GATAD2B: variants seen among roughly 807,000 people sequenced by gnomAD.
GATAD2B encodes the protein transcriptional repressor p66-beta.
A neutral mutation model predicts 64.3 loss-of-function variants in GATAD2B; 8 were observed. The ratio of observed to expected loss-of-function variants is 0.12; its 90% CI spans 0.07 to 0.22. The LOEUF is 0.22. Ranked by LOEUF, GATAD2B falls within the 10% of genes least tolerant of loss-of-function variation. GATAD2B has a pLI of 1.00. For synonymous variants in GATAD2B, 281 were observed against 271.3 expected, an observed-to-expected ratio of 1.04 and a Z score of -0.35; for missense variants, 453 against 752.0, an observed-to-expected ratio of 0.60 and a Z score of 4.65.
At chr1:153,893,970 A>AC (rs1258367969) in intron 1 of GATAD2B, among the ~76,000 whole-genome samples, 2 of 150,970 alleles carry the variant, frequency 1.3e-5, no homozygotes, top group African/African-American at 4.9e-5. Flanking sequence ...AAAAAAAAAA[A>AC]AAAAAAAAAA....
intron 1 of GATAD2B, among the ~76,000 whole-genome samples, chr1:153,836,002 C>T (rs1390177083): frequency 3.9e-5 from 6 of 152,110 alleles, no homozygotes; most frequent in East Asian, 1.9e-4. Flanking sequence ...GGATTACAGG[C>T]GTGAGCCACT....
chr1:153,854,307 AGAG>A (rs1228060073), intron 1 of GATAD2B, among the ~76,000 whole-genome samples: 4 of 152,030 alleles, frequency 2.6e-5, no homozygotes, highest in African/African-American at 4.8e-5. Context: ...GGAGGCTGAG[AGAG>A]GAGAATGGTG....
chr1:153,896,438 T>TC (rs1220295982), intron 1 of GATAD2B, among the ~76,000 whole-genome samples: 1 of 150,030 alleles, frequency 6.7e-6, no homozygotes, highest in African/African-American at 2.4e-5. Context: ...ATTTTCTTTT[T>TC]TTTTTTTTTT....
chr1:153,913,248 T>C (rs1255584722), intron 1 of GATAD2B, among the ~76,000 whole-genome samples: 1 of 152,112 alleles, frequency 6.6e-6, no homozygotes, highest in Non-Finnish European at 1.5e-5. Context: ...TCTTAAAGTT[T>C]TGATTTAATT....
chr1:153,869,842 T>C (rs1038316349), intron 1 of GATAD2B, among the ~76,000 whole-genome samples: 3 of 152,156 alleles, frequency 2.0e-5, no homozygotes, highest in Non-Finnish European at 2.9e-5. Context: ...AAAATCCAAA[T>C]TGGGCCAGGT....
chr1:153,894,695 T>C (rs777584682), intron 1 of GATAD2B, among the ~76,000 whole-genome samples: 1 of 151,564 alleles, frequency 6.6e-6, no homozygotes, highest in Non-Finnish European at 1.5e-5. Context: ...ACCCCGTCTC[T>C]ACTAAAAATA....
At chr1:153,893,973 A>AT (rs1677501853) in intron 1 of GATAD2B, among the ~76,000 whole-genome samples, 1 of 151,114 alleles carries the variant, frequency 6.6e-6, no homozygotes, top group African/African-American at 2.4e-5. Context: ...AAAAAAAAAA[A>AT]AAAAAAAAAC....
At chr1:153,815,972 G>T (rs1382094386) in intron 7 of GATAD2B, among the ~76,000 whole-genome samples, 1 of 151,964 alleles carries the variant, frequency 6.6e-6, no homozygotes, top group Admixed American at 6.6e-5. Flanking sequence ...AGAATTGCTT[G>T]AACTCAGGAG....
At chr1:153,875,013 T>C (rs1676780913) in intron 1 of GATAD2B, among the ~76,000 whole-genome samples, 1 of 152,080 alleles carries the variant, frequency 6.6e-6, no homozygotes, top group Admixed American at 6.6e-5. Flanking sequence ...CCCAACTAAC[T>C]GGGACTACAG....
intron 1 of GATAD2B, among the ~76,000 whole-genome samples, chr1:153,910,932 A>G (rs1678093050): frequency 6.6e-6 from 1 of 152,208 alleles, no homozygotes; most frequent in African/African-American, 2.4e-5. Flanking sequence ...ATAAGTTTAC[A>G]GGGACATAAC....
At chr1:153,830,414 G>A (rs1675032790) in intron 1 of GATAD2B, among the ~76,000 whole-genome samples, 1 of 151,688 alleles carries the variant, frequency 6.6e-6, no homozygotes, top group African/African-American at 2.4e-5. Flanking sequence ...CTGAAGTGCT[G>A]GGATCACAGG....
At chr1:153,894,849 G>A (rs1379785314) in intron 1 of GATAD2B, among the ~76,000 whole-genome samples, 2 of 151,140 alleles carry the variant, frequency 1.3e-5, no homozygotes, top group East Asian at 2.0e-4. Context: ...GTGACAGGTC[G>A]AGACTACGTC....
chr1:153,810,160 TACAAGTGGA>T lies in GATAD2B; in HGVS notation c.*8_*16del, dbSNP rs1557777233. The stretch of plus-strand genomic sequence containing the variant: ...GATAAAGGATTCAAGGATGGGGCAG[TACAAGTGGA>T]ACAGGCGTTATTTCTGTCCACTGAT... On this transcript the variant is annotated 3_prime_UTR_variant, in exon 11 of 11. Coordinates refer to ENST00000368655, the MANE Select transcript of GATAD2B (RefSeq NM_020699.4). 6.2e-7 allele frequency: 1 copy of T among 1,604,160 alleles called. No homozygotes were observed. The highest frequency in any genetic ancestry group is 1.7e-5 in the Admixed American group (1 of 58,214).
intron 1 of GATAD2B, among the ~76,000 whole-genome samples, chr1:153,893,398 G>C (rs1677481876): frequency 6.6e-6 from 1 of 151,984 alleles, no homozygotes; most frequent in South Asian, 2.1e-4. Context: ...CTTGAGCCCA[G>C]AAGTTTCACA....
intron 2 of GATAD2B, among the ~76,000 whole-genome samples, chr1:153,826,620 A>C (rs1048251187): frequency 6.6e-6 from 1 of 150,816 alleles, no homozygotes; most frequent in Non-Finnish European, 1.5e-5. Flanking sequence ...AAAAGAGTGA[A>C]ACTCCATCAC....
intron 1 of GATAD2B, among the ~76,000 whole-genome samples, chr1:153,905,024 A>G (rs893954742): frequency 6.6e-6 from 1 of 151,234 alleles, no homozygotes; most frequent in African/African-American, 2.4e-5. Context: ...TGTCTTCTTT[A>G]GTAGAGACGG....
chr1:153,845,945 C>G (rs1215392010), intron 1 of GATAD2B, among the ~76,000 whole-genome samples: 2 of 5,220 alleles, frequency 3.8e-4, no homozygotes, highest in African/African-American at 5.2e-4. Flanking sequence ...TAAACTACCG[C>G]CCCCCCCCCG....
chr1:153,850,777 C>A (rs1238978022), intron 1 of GATAD2B, among the ~76,000 whole-genome samples: 2 of 151,874 alleles, frequency 1.3e-5, no homozygotes, highest in Non-Finnish European at 2.9e-5. Context: ...AAAAATTAGC[C>A]AGGCGTGGTG....
chr1:153,846,449 G>T (rs1038774730), intron 1 of GATAD2B, among the ~76,000 whole-genome samples: 1 of 151,680 alleles, frequency 6.6e-6, no homozygotes, highest in Non-Finnish European at 1.5e-5. Context: ...TATTGGCCAC[G>T]CTGGACTCGA....
Sources: gnomAD v4.1 joint callset for allele counts (sites outside exome capture counted in the v4.1 genomes callset) on GRCh38, gnomAD v4.1.1 for gene constraint, MANE v1.5 for transcripts, NCBI Gene and HGNC (gene_info 2026-07-23, HGNC 2026-07-21) for gene names.